Variants in STPG2 observed in about 807,000 individuals in gnomAD.
The protein encoded by STPG2 is sperm tail PG-rich repeat containing 2.
In STPG2, 56 loss-of-function variants were observed where a neutral mutation model predicts 54.2. The observed-to-expected ratio is 1.03, with a 90% CI of 0.83 to 1.29. The LOEUF is 1.29. Ranked by LOEUF, STPG2 falls within the 50% of genes most tolerant of loss-of-function variation. The pLI, the probability that STPG2 is intolerant of heterozygous loss-of-function variation, is 0.00. For synonymous variants in STPG2, 200 were observed against 181.8 expected (o/e 1.10, Z -0.81); for missense variants, 596 against 544.9 (o/e 1.09, Z -0.93).
At chr4:97,662,199 C>A (rs1722393693) in intron 10 of STPG2, among the ~76,000 whole-genome samples, 1 of 151,978 alleles carries the variant, frequency 6.6e-6, no homozygotes, top group South Asian at 2.1e-4. Flanking sequence ...GCAAATAACG[C>A]CACTAAAAAG....
At chr4:97,672,359 G>A (rs980637438) in intron 10 of STPG2, among the ~76,000 whole-genome samples, 1 of 150,942 alleles carries the variant, frequency 6.6e-6, no homozygotes, top group Non-Finnish European at 1.5e-5. Flanking sequence ...ATTTTTTTTA[G>A]TAGAGACAGG....
chr4:97,911,265 C>T (rs1203403517), intron 8 of STPG2, among the ~76,000 whole-genome samples: 8 of 152,204 alleles, frequency 5.3e-5, no homozygotes, highest in Non-Finnish European at 1.0e-4. Flanking sequence ...TTGCATACTC[C>T]GTGCCTGGGA....
intron 10 of STPG2, among the ~76,000 whole-genome samples, chr4:97,680,847 G>A (rs1723010998): frequency 6.6e-6 from 1 of 151,926 alleles, no homozygotes; most frequent in Non-Finnish European, 1.5e-5. Context: ...TATATAAAAT[G>A]TGTTGCATTT....
intron 4 of STPG2, among the ~76,000 whole-genome samples, chr4:98,106,924 C>A (rs942520140): frequency 6.6e-6 from 1 of 152,004 alleles, no homozygotes; most frequent in African/African-American, 2.4e-5. Flanking sequence ...CCAACATTTC[C>A]AACAAACTAT....
At chr4:98,090,887 T>C (rs1212748231) in intron 5 of STPG2, among the ~76,000 whole-genome samples, 2 of 150,844 alleles carry the variant, frequency 1.3e-5, no homozygotes, top group African/African-American at 2.4e-5. Context: ...TCAATTTTCT[T>C]ACTACCTTCA....
chr4:97,934,383 A>C (rs1732668141), intron 8 of STPG2, among the ~76,000 whole-genome samples: 1 of 152,174 alleles, frequency 6.6e-6, no homozygotes, highest in Non-Finnish European at 1.5e-5. Context: ...CTTGGCCAGA[A>C]CTTCAAATAC....
chr4:97,823,589 C>G (rs764470117), intron 9 of STPG2, among the ~76,000 whole-genome samples: 8 of 152,176 alleles, frequency 5.3e-5, no homozygotes, highest in Non-Finnish European at 1.0e-4. Flanking sequence ...TCATTTTACT[C>G]TGTGGATTCA....
intron 10 of STPG2, among the ~76,000 whole-genome samples, chr4:97,623,981 T>C (rs1734078257): frequency 6.6e-6 from 1 of 152,234 alleles, no homozygotes; most frequent in Non-Finnish European, 1.5e-5. Context: ...TTCCTTTTTA[T>C]GGCTGCATAG....
At chr4:97,860,333 G>A (rs989009214) in intron 8 of STPG2, among the ~76,000 whole-genome samples, 5 of 151,866 alleles carry the variant, frequency 3.3e-5, no homozygotes, top group South Asian at 2.1e-4. Flanking sequence ...GGTCATTTTC[G>A]GAATATTGAT....
chr4:97,540,996 A>G (rs1187722675), intron 4 of STPG2, among the ~76,000 whole-genome samples: 2 of 152,198 alleles, frequency 1.3e-5, no homozygotes, highest in African/African-American at 4.8e-5. Context: ...ATTTATGACA[A>G]ACCCACAGCC....
chr4:97,942,320 T>C (rs957437019), intron 8 of STPG2, among the ~76,000 whole-genome samples: 2 of 152,014 alleles, frequency 1.3e-5, no homozygotes, highest in African/African-American at 4.8e-5. Flanking sequence ...AAATTAGTCA[T>C]GGCATACTTC....
At chr4:97,874,037 A>G (rs1730087934) in intron 8 of STPG2, among the ~76,000 whole-genome samples, 1 of 151,586 alleles carries the variant, frequency 6.6e-6, no homozygotes, top group African/African-American at 2.4e-5. Flanking sequence ...GACATAATGA[A>G]AGAGAAGCTT....
chr4:97,572,217 G>C (rs189734663), intron 10 of STPG2, among the ~76,000 whole-genome samples: 8 of 152,212 alleles, frequency 5.3e-5, no homozygotes, highest in Admixed American at 5.2e-4. Context: ...GAGTGAAATG[G>C]CAGGAGGATC....
At chr4:98,130,578 C>T (rs896992121) in intron 2 of STPG2, among the ~76,000 whole-genome samples, 3 of 152,078 alleles carry the variant, frequency 2.0e-5, no homozygotes, top group Admixed American at 6.5e-5. Context: ...AACCATTGAA[C>T]GGCTTTCCCT....
chr4:97,764,047 A>G, intron 9 of STPG2, among the ~76,000 whole-genome samples: 1 of 151,030 alleles, frequency 6.6e-6, no homozygotes, highest in Non-Finnish European at 1.5e-5. Flanking sequence ...CATGCTCAGA[A>G]TCACAGAACA....
At chr4:97,522,178 A>G (rs1374696833) in intron 4 of STPG2, among the ~76,000 whole-genome samples, 1 of 152,086 alleles carries the variant, frequency 6.6e-6, no homozygotes, top group Non-Finnish European at 1.5e-5. Context: ...ATATTTATAC[A>G]AATAATTAGT....
At chr4:97,659,309 T>C (rs1722305918) in intron 10 of STPG2, among the ~76,000 whole-genome samples, 1 of 152,204 alleles carries the variant, frequency 6.6e-6, no homozygotes, top group African/African-American at 2.4e-5. Flanking sequence ...TTTAATCTTA[T>C]TTGGCTTGGA....
intron 8 of STPG2, among the ~76,000 whole-genome samples, chr4:97,904,301 C>T (rs909390406): frequency 3.3e-5 from 5 of 152,164 alleles, no homozygotes; most frequent in African/African-American, 1.2e-4. Flanking sequence ...CCCTGACCCC[C>T]GAGCAGCCTA....
At chr4:97,823,965 C>T (rs915039997) in intron 9 of STPG2, among the ~76,000 whole-genome samples, 1 of 152,128 alleles carries the variant, frequency 6.6e-6, no homozygotes, top group Non-Finnish European at 1.5e-5. Context: ...AGGCCCCATT[C>T]AGTAAAGTCC....
Sources: allele counts gnomAD v4.1 joint callset (sites outside exome capture counted in the v4.1 genomes callset), GRCh38; gene constraint gnomAD v4.1.1; transcripts MANE v1.5; gene names NCBI Gene and HGNC (gene_info 2026-07-23, HGNC 2026-07-21).